SLC9A9: variants seen among roughly 807,000 people sequenced by gnomAD.
The protein encoded by SLC9A9 is sodium/hydrogen exchanger 9.
SLC9A9 carries 62 observed loss-of-function variants against 77.8 expected under a neutral mutation model. The observed-to-expected ratio is 0.80, with a 90% CI of 0.65 to 0.98. The LOEUF (loss-of-function observed/expected upper bound fraction) is 0.98, where lower values mean the gene tolerates loss of function less well. Among genes scored for constraint, SLC9A9 ranks in the 50% least tolerant of loss-of-function variants. SLC9A9 has a pLI of 0.00. For synonymous variants in SLC9A9, 320 were observed against 283.5 expected (o/e 1.13, Z -1.29); for missense variants, 775 against 774.9 (o/e 1.00, Z 0.00).
At chr3:143,498,665 T>A (rs2035880094) in intron 9 of SLC9A9, among the ~76,000 whole-genome samples, 1 of 152,178 alleles carries the variant, frequency 6.6e-6, no homozygotes, top group Non-Finnish European at 1.5e-5. Context: ...ATCATATGTT[T>A]ATAATTTAAG....
chr3:143,594,648 C>T (rs150661699), intron 6 of SLC9A9, among the ~76,000 whole-genome samples: 15 of 152,130 alleles, frequency 9.9e-5, no homozygotes, highest in African/African-American at 2.7e-4. Context: ...TGGTCCCAAA[C>T]GGTAAGTTCC....
intron 2 of SLC9A9, among the ~76,000 whole-genome samples, chr3:143,811,566 C>T (rs1559809136): frequency 6.6e-6 from 1 of 152,208 alleles, no homozygotes; most frequent in Non-Finnish European, 1.5e-5. Flanking sequence ...TGTTCACTGG[C>T]CCGGCACAGT....
At chr3:143,378,866 CAAATA>C (rs1302676582) in intron 13 of SLC9A9, among the ~76,000 whole-genome samples, 1 of 152,072 alleles carries the variant, frequency 6.6e-6, no homozygotes, top group Admixed American at 6.5e-5. Flanking sequence ...GTGCCTGGTA[CAAATA>C]ATTGTGTAAC....
chr3:143,322,444 T>C (rs917992727), intron 14 of SLC9A9, among the ~76,000 whole-genome samples: 1 of 152,188 alleles, frequency 6.6e-6, no homozygotes, highest in Admixed American at 6.5e-5. Context: ...AGCAACACCA[T>C]TGGCTCTCCT....
At chr3:143,775,503 A>C (rs766784088) in intron 4 of SLC9A9, among the ~76,000 whole-genome samples, 1 of 152,226 alleles carries the variant, frequency 6.6e-6, no homozygotes, top group Non-Finnish European at 1.5e-5. Context: ...CATGAGAAAC[A>C]ACAGTCTTAC....
chr3:143,807,320 G>C (rs1394812331), intron 2 of SLC9A9, among the ~76,000 whole-genome samples: 3 of 152,146 alleles, frequency 2.0e-5, no homozygotes, highest in Non-Finnish European at 4.4e-5. Flanking sequence ...CTTCTGAGTT[G>C]ATTGTTGCAG....
At chr3:143,575,190 C>T (rs1013863350) in intron 7 of SLC9A9, among the ~76,000 whole-genome samples, 24 of 152,198 alleles carry the variant, frequency 1.6e-4, no homozygotes, top group African/African-American at 5.1e-4. Flanking sequence ...AGAATAATAC[C>T]TGATCCTACA....
intron 11 of SLC9A9, among the ~76,000 whole-genome samples, chr3:143,469,651 C>T (rs1439936628): frequency 1.3e-5 from 2 of 152,086 alleles, no homozygotes; most frequent in Non-Finnish European, 2.9e-5. Flanking sequence ...TGAGACTATT[C>T]AAGAGACAAG....
At chr3:143,452,377 C>T (rs928060720) in intron 12 of SLC9A9, among the ~76,000 whole-genome samples, 1 of 150,924 alleles carries the variant, frequency 6.6e-6, no homozygotes, top group Admixed American at 6.6e-5. Flanking sequence ...AATATAGCAC[C>T]GAAAAGAATA....
chr3:143,685,000 ATT>A (rs1394597661), intron 5 of SLC9A9, among the ~76,000 whole-genome samples: 1 of 152,096 alleles, frequency 6.6e-6, no homozygotes, highest in East Asian at 1.9e-4. Context: ...TTATTACAGT[ATT>A]TCTATTAAGG....
intron 5 of SLC9A9, among the ~76,000 whole-genome samples, chr3:143,682,954 C>T (rs1238506170): frequency 6.6e-6 from 1 of 152,088 alleles, no homozygotes; most frequent in African/African-American, 2.4e-5. Context: ...TCTTGTAAAT[C>T]CCTTTTTGCT....
intron 4 of SLC9A9, among the ~76,000 whole-genome samples, chr3:143,727,881 T>C (rs1934700074): frequency 6.6e-6 from 1 of 152,268 alleles, no homozygotes; most frequent in South Asian, 2.1e-4. Flanking sequence ...ATTAATGTGT[T>C]TGACAAATAC....
intron 14 of SLC9A9, among the ~76,000 whole-genome samples, chr3:143,346,152 G>A (rs991692687): frequency 2.0e-5 from 3 of 152,068 alleles, no homozygotes; most frequent in Non-Finnish European, 4.4e-5. Flanking sequence ...CCTGAATATA[G>A]ATTTCTCCCA....
At chr3:143,741,468 G>T (rs1442334628) in intron 4 of SLC9A9, among the ~76,000 whole-genome samples, 1 of 152,154 alleles carries the variant, frequency 6.6e-6, no homozygotes, top group African/African-American at 2.4e-5. Flanking sequence ...ATAAATGGAT[G>T]GTAAGAGACA....
At chr3:143,287,172 T>G (rs1417221465) in intron 14 of SLC9A9, among the ~76,000 whole-genome samples, 1 of 152,006 alleles carries the variant, frequency 6.6e-6, no homozygotes, top group East Asian at 1.9e-4. Flanking sequence ...GGCCCAAGAA[T>G]GCTCAGCAAG....
intron 5 of SLC9A9, among the ~76,000 whole-genome samples, chr3:143,689,498 A>C (rs1484471829): frequency 6.6e-6 from 1 of 152,130 alleles, no homozygotes; most frequent in African/African-American, 2.4e-5. Context: ...TTCTGGGCTC[A>C]AGTGATCCTC....
chr3:143,268,972 T>A lies in SLC9A9; in HGVS notation c.1613A>T (p.Lys538Ile), dbSNP rs1937820670. The A allele has an allele frequency of 1.2e-6, 2 of 1,612,284 alleles. No homozygotes were observed. Among genetic ancestry groups the A allele is most frequent in the Non-Finnish European group, 1.7e-6 (2 of 1,178,534 alleles). ...MWYSFDHKYL[K>I]PILTHSGPPL... ...AGGACCAGAGTGGGTTAAAATTGGTTTCAGATACCTGGGAGGCCTGTTAAG... is the reference window on the plus strand; with the variant it reads ...AGGACCAGAGTGGGTTAAAATTGGTATCAGATACCTGGGAGGCCTGTTAAG... Residue 538 changes from lysine (K) to isoleucine (I), a missense_variant, in exon 15 of 16, where the codon AAA becomes ATA. Coordinates refer to ENST00000316549, the MANE Select transcript of SLC9A9 (RefSeq NM_173653.4).
chr3:143,694,007 G>C (rs1044002082), intron 4 of SLC9A9, among the ~76,000 whole-genome samples: 2 of 152,042 alleles, frequency 1.3e-5, no homozygotes, highest in Non-Finnish European at 2.9e-5. Flanking sequence ...GCTTTTAATT[G>C]GTATTTAATT....
chr3:143,672,422 G>C (rs568515335), intron 5 of SLC9A9, among the ~76,000 whole-genome samples: 3 of 152,294 alleles, frequency 2.0e-5, no homozygotes, highest in African/African-American at 7.2e-5. Flanking sequence ...ACAGTGATTA[G>C]AGAGCATGAT....
Sources: allele counts gnomAD v4.1 joint callset (sites outside exome capture counted in the v4.1 genomes callset), GRCh38; gene constraint gnomAD v4.1.1; transcripts MANE v1.5; gene names NCBI Gene and HGNC (gene_info 2026-07-23, HGNC 2026-07-21).